The following FSIP1 variants were observed in gnomAD, a reference collection of about 807,000 sequenced individuals.
The protein encoded by FSIP1 is fibrous sheath interacting protein 1, also known as fibrous sheath-interacting protein 1.
In FSIP1, 65 loss-of-function variants were observed where a neutral mutation model predicts 60.9. That is an observed-to-expected ratio of 1.07 (90% CI 0.87 to 1.31). FSIP1 has a LOEUF of 1.31. FSIP1 is among the 40% of genes most tolerant of loss of function. The probability of loss-of-function intolerance (pLI) is 0.00; values close to 1 mark genes in which losing one functional copy is unlikely to be tolerated. For synonymous variants in FSIP1, 209 were observed against 221.2 expected (o/e 0.94, Z 0.49); for missense variants, 675 against 665.5 (o/e 1.01, Z -0.16).
chr15:39,706,754 C>T (rs1235666378), intron 10 of FSIP1, among the ~76,000 whole-genome samples: 1 of 152,166 alleles, frequency 6.6e-6, no homozygotes, highest in East Asian at 1.9e-4. Flanking sequence ...TCCCGATCCC[C>T]GCTAAAAGTA....
intron 1 of FSIP1, among the ~76,000 whole-genome samples, chr15:39,781,437 CAT>C (rs1898260803): frequency 6.6e-6 from 1 of 152,014 alleles, no homozygotes; most frequent in African/African-American, 2.4e-5. Flanking sequence ...ATATATTTAC[CAT>C]ATGACTCCAC....
chr15:39,770,723 G>T (rs1897857722), intron 2 of FSIP1, 113 bp from the exon 3 acceptor site: 3 of 565,134 alleles, frequency 5.3e-6, no homozygotes, highest in African/African-American at 1.9e-5. Context: ...GTACATAAAT[G>T]CATACACTAG....
intron 10 of FSIP1, among the ~76,000 whole-genome samples, chr15:39,633,092 T>C (rs796635495): frequency 3.4e-5 from 3 of 87,736 alleles, no homozygotes; most frequent in Non-Finnish European, 6.1e-5. Flanking sequence ...GCTATACTTC[T>C]TTTTTTTTTT....
At chr15:39,725,295 GT>G (rs1439100021) in intron 9 of FSIP1, among the ~76,000 whole-genome samples, 4 of 152,166 alleles carry the variant, frequency 2.6e-5, no homozygotes, top group Non-Finnish European at 5.9e-5. Context: ...AATTATCTCT[GT>G]TTTCCAAGAA....
At chr15:39,738,851 G>A (rs1896706534) in intron 7 of FSIP1, among the ~76,000 whole-genome samples, 1 of 152,190 alleles carries the variant, frequency 6.6e-6, no homozygotes, top group Admixed American at 6.5e-5. Flanking sequence ...TCCTGGCAGT[G>A]GCAGGCTGCC....
At chr15:39,753,268 CTG>C (rs1897215553) in intron 5 of FSIP1, among the ~76,000 whole-genome samples, 1 of 152,076 alleles carries the variant, frequency 6.6e-6, no homozygotes, top group Admixed American at 6.6e-5. Context: ...CAGATAATCC[CTG>C]TGTTATATAA....
intron 10 of FSIP1, among the ~76,000 whole-genome samples, chr15:39,621,748 T>C (rs181233014): frequency 2.6e-5 from 4 of 152,324 alleles, no homozygotes; most frequent in African/African-American, 9.6e-5. Flanking sequence ...TCTTATAAAA[T>C]AACTAAAAAT....
At chr15:39,694,553 C>A (rs2140510816) in intron 10 of FSIP1, among the ~76,000 whole-genome samples, 1 of 152,118 alleles carries the variant, frequency 6.6e-6, no homozygotes, top group East Asian at 1.9e-4. Flanking sequence ...GTAATCCCAG[C>A]ACTTTGGGAG....
Position 39,713,571 on chromosome 15 carries a change from C to T in FSIP1, c.1061G>A (p.Arg354His), listed in dbSNP as rs937961. The T allele has an allele frequency of 0.11, 172,374 of 1,584,098 alleles. 10,258 individuals carry two copies. Among genetic ancestry groups the T allele is most frequent in the African/African-American group, 0.2 (14,509 of 72,606 alleles). Residue 354 changes from arginine (R) to histidine (H), a missense_variant, in exon 10 of 12, where the codon CGT becomes CAT. Coordinates refer to ENST00000350221, the MANE Select transcript of FSIP1 (RefSeq NM_152597.5). ...TACTTCCATATTTCTTTCACCATCACGGTCAGGTTTCTAATTTAAAGAAAA... is the reference window on the plus strand; with the variant it reads ...TACTTCCATATTTCTTTCACCATCATGGTCAGGTTTCTAATTTAAAGAAAA... ...LENRNNQKPD[R>H]DGERNMEVTP...
intron 11 of FSIP1, among the ~76,000 whole-genome samples, chr15:39,603,681 G>T (rs1890722457): frequency 6.6e-6 from 1 of 152,180 alleles, no homozygotes; most frequent in Non-Finnish European, 1.5e-5. Flanking sequence ...TGGCTGGAGA[G>T]ATCACAAGAC....
chr15:39,631,348 G>C (rs1455600661), intron 10 of FSIP1, among the ~76,000 whole-genome samples: 2 of 152,158 alleles, frequency 1.3e-5, no homozygotes, highest in Non-Finnish European at 2.9e-5. Flanking sequence ...AATGGTTTAA[G>C]CAATTAATGA....
At chr15:39,724,117 C>T (rs774689735) in intron 9 of FSIP1, among the ~76,000 whole-genome samples, 1 of 152,060 alleles carries the variant, frequency 6.6e-6, no homozygotes, top group East Asian at 1.9e-4. Context: ...CATAAAAACA[C>T]GTAATCTCAG....
intron 10 of FSIP1, among the ~76,000 whole-genome samples, chr15:39,648,489 G>C (rs1292174107): frequency 6.6e-6 from 1 of 152,196 alleles, no homozygotes; most frequent in Non-Finnish European, 1.5e-5. Flanking sequence ...ATTCTCATCT[G>C]CCGTGGTTGG....
At chr15:39,624,102 A>G (rs1243377433) in intron 10 of FSIP1, among the ~76,000 whole-genome samples, 1 of 152,236 alleles carries the variant, frequency 6.6e-6, no homozygotes, top group Admixed American at 6.5e-5. Context: ...TGGTCCAAAC[A>G]TCTGAACTGA....
At chr15:39,601,663 T>C (rs1890644713) in intron 11 of FSIP1, among the ~76,000 whole-genome samples, 1 of 152,202 alleles carries the variant, frequency 6.6e-6, no homozygotes, top group Non-Finnish European at 1.5e-5. Flanking sequence ...GTCCATCAAA[T>C]GATGAATGGA....
At chr15:39,613,374 T>G (rs1891104395) in intron 11 of FSIP1, among the ~76,000 whole-genome samples, 3 of 152,016 alleles carry the variant, frequency 2.0e-5, no homozygotes, top group East Asian at 1.9e-4. Flanking sequence ...AACAGATTCC[T>G]GGACACATAC....
intron 10 of FSIP1, among the ~76,000 whole-genome samples, chr15:39,627,051 A>T (rs1891671309): frequency 6.6e-6 from 1 of 152,218 alleles, no homozygotes; most frequent in Non-Finnish European, 1.5e-5. Flanking sequence ...AAAGATGCTC[A>T]ACCCTGGGAA....
At chr15:39,738,061 G>T in intron 8 of FSIP1, 30 bp downstream of exon 8, 1 of 1,173,720 alleles carries the variant, frequency 8.5e-7, no homozygotes, top group Non-Finnish European at 1.2e-6. Context: ...AAATTAAGAA[G>T]TGTAGTGTTC....
At chr15:39,622,911 A>T (rs1282186779) in intron 10 of FSIP1, among the ~76,000 whole-genome samples, 1 of 152,138 alleles carries the variant, frequency 6.6e-6, no homozygotes, top group African/African-American at 2.4e-5. Context: ...AGTTTACTTA[A>T]CTTGGGACTT....
Sources: gnomAD v4.1 joint callset for allele counts (sites outside exome capture counted in the v4.1 genomes callset) on GRCh38, gnomAD v4.1.1 for gene constraint, MANE v1.5 for transcripts, NCBI Gene and HGNC (gene_info 2026-07-23, HGNC 2026-07-21) for gene names.